Variants in GSAP observed in about 807,000 individuals in gnomAD.
The protein encoded by GSAP is gamma-secretase activating protein, also known as gamma-secretase-activating protein.
A neutral mutation model predicts 131.7 loss-of-function variants in GSAP; 118 were observed. The ratio of observed to expected loss-of-function variants is 0.90; its 90% CI spans 0.77 to 1.04. The LOEUF is 1.04. Among genes scored for constraint, GSAP ranks in the 50% least tolerant of loss-of-function variants. GSAP has a pLI of 0.00. For missense variants in GSAP, 1,019 were observed against 1,013.2 expected (o/e 1.01, Z -0.08); for synonymous variants, 381 against 363.4 (o/e 1.05, Z -0.55).
At position 77,311,894 on chromosome 7, in the gene GSAP, A is replaced by T. The variant is rs753218478; in HGVS notation, c.2420T>A (p.Leu807Gln). The T allele has an allele frequency of 1.2e-6, 2 of 1,605,360 alleles. No homozygotes were observed. Among genetic ancestry groups the T allele is most frequent in the Middle Eastern group, 1.7e-4 (1 of 6,034 alleles). The change falls in exon 30 of 31, where the codon CTG becomes CAG. Residue 807 changes from leucine (L) to glutamine (Q), a missense_variant. Transcript: ENST00000257626. Reference sequence around the variant, plus strand: ...AATTTCAATGAAGTAGTTCAGAGGCAGAAATTCTACACTGAACGATGACTT... The same window carrying T: ...AATTTCAATGAAGTAGTTCAGAGGCTGAAATTCTACACTGAACGATGACTT... ...INKSSFSVEF[L>Q]PLNYFIEILT...
chr7:77,324,825 A>ATT (rs1562902818), intron 23 of GSAP, among the ~76,000 whole-genome samples: 1 of 114,306 alleles, frequency 8.7e-6, no homozygotes, highest in African/African-American at 3.7e-5. Context: ...TGTTTGCCAT[A>ATT]CTTTTTTTTT....
intron 5 of GSAP, among the ~76,000 whole-genome samples, chr7:77,391,571 C>A (rs1204118539): frequency 2.0e-5 from 3 of 152,142 alleles, no homozygotes; most frequent in Non-Finnish European, 4.4e-5. Context: ...CGCCTGTAAT[C>A]CCAACACTTT....
intron 14 of GSAP, among the ~76,000 whole-genome samples, chr7:77,358,285 G>A (rs1486577027): frequency 6.6e-6 from 1 of 152,214 alleles, no homozygotes; most frequent in East Asian, 1.9e-4. Context: ...AGGTTGCAGT[G>A]AGCCAAGATC....
At chr7:77,378,520 CA>C (rs368804554) in intron 8 of GSAP, among the ~76,000 whole-genome samples, 5 of 146,862 alleles carry the variant, frequency 3.4e-5, no homozygotes, top group Admixed American at 1.4e-4. Context: ...CAAAAAACAA[CA>C]AAAAAAAACA....
At chr7:77,373,822 CT>C (rs1796463441) in intron 12 of GSAP, among the ~76,000 whole-genome samples, 2 of 152,188 alleles carry the variant, frequency 1.3e-5, no homozygotes, top group African/African-American at 4.8e-5. Context: ...TCCATTTTCT[CT>C]GTTAGAACCA....
intron 19 of GSAP, among the ~76,000 whole-genome samples, chr7:77,339,586 A>G (rs17151972): frequency 0.11 from 16,281 of 152,196 alleles, 985 homozygotes; most frequent in African/African-American, 0.16. Context: ...TGTGGAAATG[A>G]TGAATGGGAA....
chr7:77,312,513 C>T (rs6973950), intron 28 of GSAP, among the ~76,000 whole-genome samples: 379 of 152,086 alleles, frequency 2.5e-3, no homozygotes, highest in Non-Finnish European at 4.5e-3. Flanking sequence ...ATGTTTTGAC[C>T]GGAAACTAAG....
At position 77,413,670 on chromosome 7, in the gene GSAP, C is replaced by T. The variant is rs1458729631; in HGVS notation, c.109+2543G>A. Among the ~76,000 whole-genome samples, 30 of 152,126 alleles carry T rather than the reference C, an allele frequency of 2.0e-4. 1 individual carries two copies. The highest frequency in any genetic ancestry group is 2.0e-3 in the Admixed American group (30 of 15,278). ...AGCAAAATGAAATATTTTGCCCATA[C>T]ATATAGGCTAAAACTACAAATAAAG... On this transcript the variant is annotated intron_variant, in intron 1 of 30. Coordinates refer to ENST00000257626, the MANE Select transcript of GSAP (RefSeq NM_017439.4).
chr7:77,329,508 G>A, intron 20 of GSAP, 117 bp from the exon 21 acceptor site: 2 of 455,002 alleles, frequency 4.4e-6, no homozygotes, highest in East Asian at 3.6e-5. Context: ...ATACTTTCCA[G>A]GTAATCAGAA....
rs1053385955 is a variant in GSAP, at chr7:77,311,833, T to TA, written c.2473+7dup. 7.5e-7 allele frequency: 1 copy of TA among 1,335,892 alleles called. No individual in the cohort carries two copies. 82.8% of individuals were successfully genotyped at this position (1,335,892 alleles called of 1,614,324 possible). ...TGGTAAGACCCTGAGAACAGGGGAG[T>TA]AAATTACCTTGATTGGAGGACTCTA... On this transcript the variant is annotated splice_region_variant and intron_variant, in intron 30 of 30. Coordinates refer to ENST00000257626, the MANE Select transcript of GSAP (RefSeq NM_017439.4).
In GSAP at chr7:77,312,150, ATGT is replaced by A. The variant is rs1378799121; in HGVS notation, c.2321_2323del (p.Asn774del). 6.2e-7 allele frequency: 1 copy of A among 1,605,012 alleles called. No individual in the cohort carries two copies. Among genetic ancestry groups the A allele is most frequent in the South Asian group, 1.1e-5 (1 of 88,986 alleles). ...TCGCGTCACGTGGTTCCGCGAAATGATGTTAGAACTCATAGGATGATCCCAAAG... is the reference window on the plus strand; with the variant it reads ...TCGCGTCACGTGGTTCCGCGAAATGATAGAACTCATAGGATGATCCCAAAG... On this transcript the variant is annotated inframe_deletion, in exon 29 of 31. Transcript: ENST00000257626.
chr7:77,349,407 A>G lies in GSAP; in HGVS notation c.1492-3T>C. On this transcript the variant is annotated splice_region_variant and splice_polypyrimidine_tract_variant and intron_variant, in intron 18 of 30. Coordinates refer to ENST00000257626, the MANE Select transcript of GSAP (RefSeq NM_017439.4). ...ACAAGAGTTATTCCAGGAATTTCCT[A>G]TAGTGGGGAAAAACACACACACACA... The G allele has an allele frequency of 1.2e-6, 2 of 1,611,798 alleles. No individual in the cohort carries two copies. The highest frequency in any genetic ancestry group is 2.2e-5 in the East Asian group (1 of 44,852).
Position 77,323,664 on chromosome 7 carries a change from C to G in GSAP, c.1906G>C (p.Asp636His). ...AGACCAACCAGTTTTGAAATGTAGTCCAGAACCATCTGTTCAATTTTCTTC... is the reference window on the plus strand; with the variant it reads ...AGACCAACCAGTTTTGAAATGTAGTGCAGAACCATCTGTTCAATTTTCTTC... ...EKKKIEQMVL[D>H]YISKLLDLIC... is the part of the protein sequence containing the mutation. The change falls in exon 24 of 31, where the codon GAC becomes CAC. Residue 636 changes from aspartate to histidine, a missense_variant. Transcript: ENST00000257626. 1 of 1,597,576 alleles carries G rather than the reference C, an allele frequency of 6.3e-7. No homozygotes were observed. Among genetic ancestry groups the G allele is most frequent in the Non-Finnish European group, 8.6e-7 (1 of 1,166,342 alleles).
At chr7:77,400,149 T>G (rs538197532) in intron 3 of GSAP, among the ~76,000 whole-genome samples, 2 of 152,200 alleles carry the variant, frequency 1.3e-5, no homozygotes, top group East Asian at 3.9e-4. Flanking sequence ...TGCCCAGCTG[T>G]TAACAAGGCA....
chr7:77,397,778 T>A (rs550903794), intron 3 of GSAP, among the ~76,000 whole-genome samples: 7 of 152,324 alleles, frequency 4.6e-5, no homozygotes, highest in Admixed American at 1.3e-4. Flanking sequence ...ATAGGAATCA[T>A]AACATCTACT....
chr7:77,388,817 G>T (rs1798959537), intron 5 of GSAP, among the ~76,000 whole-genome samples: 1 of 152,160 alleles, frequency 6.6e-6, no homozygotes, highest in Non-Finnish European at 1.5e-5. Flanking sequence ...ACAACTGGAA[G>T]GTCTGGATCT....
chr7:77,372,327 T>C (rs1005901169), intron 12 of GSAP, among the ~76,000 whole-genome samples: 5 of 152,238 alleles, frequency 3.3e-5, no homozygotes, highest in African/African-American at 7.2e-5. Flanking sequence ...AACGGCCAAA[T>C]GTAATGTATG....
chr7:77,392,225 A>C (rs78784395), intron 5 of GSAP, among the ~76,000 whole-genome samples: 1 of 106,958 alleles, frequency 9.3e-6, no homozygotes. Flanking sequence ...CCATCTCAGG[A>C]AAAAAAAAAA....
intron 1 of GSAP, among the ~76,000 whole-genome samples, chr7:77,407,371 ATCCACTTGAGATTTTT>A (rs1802476386): frequency 6.6e-6 from 1 of 152,212 alleles, no homozygotes; most frequent in Non-Finnish European, 1.5e-5. Flanking sequence ...TATAAGCAGT[ATCCACTTGAGATTTTT>A]TCCTCCAATC....
Sources: gnomAD v4.1 joint callset for allele counts (sites outside exome capture counted in the v4.1 genomes callset) on GRCh38, gnomAD v4.1.1 for gene constraint, MANE v1.5 for transcripts, NCBI Gene and HGNC (gene_info 2026-07-23, HGNC 2026-07-21) for gene names.